The following PXT1 variants were observed in gnomAD, a reference collection of about 807,000 sequenced individuals.
The protein encoded by PXT1 is peroxisomal testis enriched protein 1, also known as peroxisomal testis-specific protein 1.
Under a neutral mutation model 11.0 loss-of-function variants are expected in PXT1, and 11 were observed. The ratio of observed to expected loss-of-function variants is 1.00; its 90% CI spans 0.63 to 1.66. The LOEUF is 1.66. Among genes scored for constraint, PXT1 ranks in the 40% most tolerant of loss-of-function variants. The pLI, the probability that PXT1 is intolerant of heterozygous loss-of-function variation, is 0.00. For synonymous variants in PXT1, 43 were observed against 51.4 expected (o/e 0.84, Z 0.70); for missense variants, 141 against 155.5 (o/e 0.91, Z 0.49).
intron 3 of PXT1, among the ~76,000 whole-genome samples, chr6:36,410,144 G>GGA (rs146278596): frequency 0.016 from 2,293 of 140,432 alleles, 48 homozygotes; most frequent in African/African-American, 0.051. Context: ...AAGGAAGGAA[G>GGA]GAGAGAGAGA....
chr6:36,411,509 TTGA>T (rs1774375578), intron 3 of PXT1, among the ~76,000 whole-genome samples: 2 of 152,120 alleles, frequency 1.3e-5, no homozygotes, highest in South Asian at 4.1e-4. Flanking sequence ...TTGAGATGAC[TTGA>T]TGAGTTACAC....
At chr6:36,416,052 T>C (rs1351712819) in intron 3 of PXT1, among the ~76,000 whole-genome samples, 2 of 151,518 alleles carry the variant, frequency 1.3e-5, no homozygotes, top group Non-Finnish European at 2.9e-5. Context: ...TAAAAAAAAG[T>C]GGCAGGGCAG....
At chr6:36,409,099 A>G (rs1413855880) in intron 3 of PXT1, among the ~76,000 whole-genome samples, 1 of 152,138 alleles carries the variant, frequency 6.6e-6, no homozygotes, top group Non-Finnish European at 1.5e-5. Flanking sequence ...GTGGTCATCC[A>G]TTTATACTCC....
rs144595934 is a variant in PXT1, at chr6:36,425,479, T to C, written c.169+435A>G. On this transcript the variant is annotated intron_variant, in intron 3 of 4. Transcript: ENST00000454782. Reference sequence around the variant, plus strand: ...GATGAATAGATTTTCTTATAGTTCATATTTAAATAATATATTTAATGTGGG... The same window carrying C: ...GATGAATAGATTTTCTTATAGTTCACATTTAAATAATATATTTAATGTGGG... Among the ~76,000 whole-genome samples, 51 of 152,228 alleles carry C rather than the reference T, an allele frequency of 3.4e-4. No individual in the cohort carries two copies. In the East Asian group the frequency reaches 9.6e-3, roughly 29 times the overall value.
intron 4 of PXT1, among the ~76,000 whole-genome samples, chr6:36,399,769 C>T (rs1460110347): frequency 6.6e-6 from 1 of 152,178 alleles, no homozygotes; most frequent in African/African-American, 2.4e-5. Flanking sequence ...TGGATTTCAT[C>T]ACCCCCAAAA....
At chr6:36,416,141 C>T (rs1774443379) in intron 3 of PXT1, among the ~76,000 whole-genome samples, 1 of 151,586 alleles carries the variant, frequency 6.6e-6, no homozygotes, top group Non-Finnish European at 1.5e-5. Flanking sequence ...TTGAAACCAG[C>T]CTGGGCAATA....
At chr6:36,421,286 A>ATGC (rs1774521947) in intron 3 of PXT1, among the ~76,000 whole-genome samples, 1 of 152,068 alleles carries the variant, frequency 6.6e-6, no homozygotes, top group Non-Finnish European at 1.5e-5. Context: ...ACAAAGTGAG[A>ATGC]TGCTGTCTCT....
At position 36,411,926 on chromosome 6, in the gene PXT1, T is replaced by C. The variant is rs141922495; in HGVS notation, c.170-11342A>G. Among the ~76,000 whole-genome samples the C allele has an allele frequency of 4.2e-3, 643 of 152,160 alleles. 4 individuals carry two copies. The highest frequency in any genetic ancestry group is 0.017 in the Middle Eastern group (5 of 294). ...TCTTGCCACTGCTCTCCAGCCTGGG[T>C]AATAGAGTAAGACCTTGCCAAAAAA... is the stretch of plus-strand genomic sequence containing the variant. On this transcript the variant is annotated intron_variant, in intron 3 of 4. Transcript: ENST00000454782.
chr6:36,391,975 T>C, intron 4 of PXT1, 101 bp from the exon 5 acceptor site: 1 of 767,496 alleles, frequency 1.3e-6, no homozygotes, highest in East Asian at 2.5e-5. Context: ...AAATATTAAT[T>C]CAATCCATGC....
chr6:36,433,319 A>G (rs1774718604), intron 2 of PXT1, among the ~76,000 whole-genome samples: 1 of 152,192 alleles, frequency 6.6e-6, no homozygotes, highest in Non-Finnish European at 1.5e-5. Context: ...AATTACAAAT[A>G]CTATAATTAG....
At chr6:36,419,908 G>A (rs1228113618) in intron 3 of PXT1, among the ~76,000 whole-genome samples, 4 of 152,220 alleles carry the variant, frequency 2.6e-5, no homozygotes, top group Non-Finnish European at 5.9e-5. Context: ...AAGAGTGGGA[G>A]GGAGAAGATA....
chr6:36,426,157 A>C (rs980062745), intron 2 of PXT1, 66 bp from the exon 3 acceptor site: 6 of 1,005,492 alleles, frequency 6.0e-6, no homozygotes, highest in Non-Finnish European at 8.5e-6. Context: ...ATTTTAGATA[A>C]ATATTAATGT....
In PXT1 at chr6:36,409,968, A is replaced by AAAAAG. The variant is rs776496710; in HGVS notation, c.170-9385_170-9384insCTTTT. On this transcript the variant is annotated intron_variant, in intron 3 of 4. Transcript: ENST00000454782. ...AAGAAAGAGAAAGGAAGAAAGAGAA[A>AAAAAG]AAAGAAAGAAAGAAAGAAAGAAAAA... Among the ~76,000 whole-genome samples the AAAAAG allele has an allele frequency of 4.6e-3, 677 of 147,020 alleles. 2 individuals carry two copies. Among genetic ancestry groups the AAAAAG allele is most frequent in the East Asian group, 0.021 (106 of 4,988 alleles).
intron 4 of PXT1, among the ~76,000 whole-genome samples, chr6:36,392,529 C>T (rs1010986927): frequency 4.6e-5 from 7 of 152,216 alleles, no homozygotes; most frequent in Admixed American, 1.3e-4. Flanking sequence ...GGCATGGTGG[C>T]ACACACCTGT....
rs1175424597 is a variant in PXT1 at position 36,405,542 on chromosome 6, CT to C, written c.170-4959del. ...TACAGGCACGTGCCACCACGCCTGG[CT>C]TTTTGTAGTTTTTTAGTAGAGACGA... On this transcript the variant is annotated intron_variant, in intron 3 of 4. Coordinates refer to ENST00000454782, the MANE Select transcript of PXT1 (RefSeq NM_152990.4). Among the ~76,000 whole-genome samples the C allele has an allele frequency of 4.6e-5, 7 of 152,052 alleles. No homozygotes were observed. In the East Asian group the frequency reaches 9.6e-4, roughly 21 times the overall value.
chr6:36,409,964 AG>A (rs1774344856), intron 3 of PXT1, among the ~76,000 whole-genome samples: 2 of 35,296 alleles, frequency 5.7e-5, no homozygotes, highest in East Asian at 1.9e-3. Flanking sequence ...AGGAAGAAAG[AG>A]AAAAAAGAAA....
chr6:36,421,191 C>G (rs1200844130), intron 3 of PXT1, among the ~76,000 whole-genome samples: 1 of 151,970 alleles, frequency 6.6e-6, no homozygotes, highest in Non-Finnish European at 1.5e-5. Context: ...AAACCAAGGC[C>G]AGGTGTGGCT....
chr6:36,436,753 A>G (rs1232974240), intron 2 of PXT1, among the ~76,000 whole-genome samples: 1 of 152,222 alleles, frequency 6.6e-6, no homozygotes, highest in African/African-American at 2.4e-5. Context: ...TCATTATCAT[A>G]AGGAATATGA....
Position 36,391,828 on chromosome 6 carries a change from A to T in PXT1, c.347T>A (p.Phe116Tyr), listed in dbSNP as rs1774071464. 4 of 1,613,918 alleles carry T rather than the reference A, an allele frequency of 2.5e-6. No homozygotes were observed. The highest frequency in any genetic ancestry group is 3.4e-6 in the Non-Finnish European group (4 of 1,179,918). Residue 116 changes from phenylalanine to tyrosine, a missense_variant, in exon 5 of 5, where the codon TTT becomes TAT. Coordinates refer to ENST00000454782, the MANE Select transcript of PXT1 (RefSeq NM_152990.4). Reference protein sequence around the residue: ...GRDALDHFVFFFFRRVQVLLH... With the variant: ...GRDALDHFVFYFFRRVQVLLH... ...CAACACCTGAACTCTTCTAAAGAAA[A>T]AGAAGACAAAATGATCTAGTGCATC... is the stretch of plus-strand genomic sequence containing the variant.
Sources: gnomAD v4.1 joint callset for allele counts (sites outside exome capture counted in the v4.1 genomes callset) on GRCh38, gnomAD v4.1.1 for gene constraint, MANE v1.5 for transcripts, NCBI Gene and HGNC (gene_info 2026-07-23, HGNC 2026-07-21) for gene names.